Variants in LNX1 observed in about 807,000 individuals in gnomAD.
LNX1 encodes E3 ubiquitin-protein ligase LNX.
LNX1 carries 54 observed loss-of-function variants against 68.4 expected under a neutral mutation model. That is an observed-to-expected ratio of 0.79 (90% CI 0.63 to 0.99). LNX1 has a LOEUF of 0.99. Among genes scored for constraint, LNX1 ranks in the 50% least tolerant of loss-of-function variants. The probability of loss-of-function intolerance (pLI) is 0.00; values close to 1 mark genes in which losing one functional copy is unlikely to be tolerated. For synonymous variants in LNX1, 336 were observed against 350.0 expected, an observed-to-expected ratio of 0.96 and a Z score of 0.45; for missense variants, 906 against 926.4, an observed-to-expected ratio of 0.98 and a Z score of 0.29.
chr4:53,475,900 G>C (rs1723530039), intron 9 of LNX1, among the ~76,000 whole-genome samples: 1 of 152,168 alleles, frequency 6.6e-6, no homozygotes, highest in Non-Finnish European at 1.5e-5. Flanking sequence ...CAGGCCCTAA[G>C]GAGAGATGAT....
chr4:53,502,993 C>T (rs374355140), intron 4 of LNX1, among the ~76,000 whole-genome samples: 8 of 151,134 alleles, frequency 5.3e-5, no homozygotes, highest in African/African-American at 1.7e-4. Context: ...TGCAGTGGTG[C>T]GATCTCGGCT....
chr4:53,529,022 A>G (rs1727830059), intron 2 of LNX1, among the ~76,000 whole-genome samples: 1 of 151,526 alleles, frequency 6.6e-6, no homozygotes, highest in Non-Finnish European at 1.5e-5. Context: ...TCCAAGATAC[A>G]GGGGTGTCTG....
intron 1 of LNX1, among the ~76,000 whole-genome samples, chr4:53,590,965 A>T (rs1312153706): frequency 6.6e-6 from 1 of 152,202 alleles, no homozygotes; most frequent in Non-Finnish European, 1.5e-5. Context: ...ATCAAAATAC[A>T]GGGAGGAAGA....
intron 4 of LNX1, among the ~76,000 whole-genome samples, chr4:53,502,453 A>T (rs529046056): frequency 6.6e-6 from 1 of 152,250 alleles, no homozygotes; most frequent in Non-Finnish European, 1.5e-5. Context: ...ATTTAAAAAT[A>T]CTTTATTGCT....
At chr4:53,638,101 A>ACATTATACAATATAGG (rs1163962570) in intron 1 of LNX1, among the ~76,000 whole-genome samples, 4 of 152,344 alleles carry the variant, frequency 2.6e-5, no homozygotes, top group Admixed American at 6.5e-5. Context: ...TCATCATGAT[A>ACATTATACAATATAGG]TACTGCATTA....
chr4:53,649,958 A>G (rs545273975), intron 1 of LNX1, among the ~76,000 whole-genome samples: 27 of 152,334 alleles, frequency 1.8e-4, no homozygotes, highest in African/African-American at 6.3e-4. Context: ...GAACCTAGAC[A>G]AGGACTTGAC....
intron 2 of LNX1, among the ~76,000 whole-genome samples, chr4:53,518,413 G>A (rs955487128): frequency 3.3e-5 from 5 of 152,166 alleles, no homozygotes; most frequent in African/African-American, 7.2e-5. Context: ...CTTTAATGCC[G>A]ATGTTTTTCC....
intron 2 of LNX1, among the ~76,000 whole-genome samples, chr4:53,553,613 T>C (rs1478196378): frequency 2.6e-5 from 4 of 152,148 alleles, no homozygotes; most frequent in African/African-American, 9.7e-5. Flanking sequence ...CCAGATTCCC[T>C]TTGGGGTCTA....
intron 2 of LNX1, among the ~76,000 whole-genome samples, chr4:53,571,782 C>G (rs2109774678): frequency 6.6e-6 from 1 of 152,176 alleles, no homozygotes; most frequent in East Asian, 1.9e-4. Context: ...CACCTTAGCC[C>G]CCTGAATCAC....
chr4:53,567,418 GC>G (rs1284911155), intron 2 of LNX1, among the ~76,000 whole-genome samples: 3 of 151,514 alleles, frequency 2.0e-5, no homozygotes, highest in Admixed American at 1.3e-4. Flanking sequence ...CGAAATGAAG[GC>G]AGAAATAAAG....
In LNX1 at chr4:53,461,562, G is replaced by A. The variant is rs138092169; in HGVS notation, c.1924C>T (p.Arg642Ter). 1.2e-5 allele frequency: 20 copies of A among 1,611,574 alleles called. No individual in the cohort carries two copies. Among genetic ancestry groups the A allele is most frequent in the Non-Finnish European group, 1.4e-5 (17 of 1,178,310 alleles). Residue 642 changes from arginine to a stop codon, truncating the protein, a stop_gained, in exon 10 of 11, where the codon CGA (arginine) becomes TGA (stop). Transcript: ENST00000263925. LOFTEE classifies it high-confidence loss of function. ...CLYNCKDIVL[R>*]RNTAGSLGFC... The stretch of plus-strand genomic sequence containing the variant: ...CCCAGACTTCCAGCTGTGTTTCTTC[G>A]TAATACAATATCTTTACAGTTATAC...
intron 2 of LNX1, among the ~76,000 whole-genome samples, chr4:53,540,598 C>T (rs2109656993): frequency 6.6e-6 from 1 of 152,058 alleles, no homozygotes; most frequent in Middle Eastern, 3.4e-3. Context: ...AGAAGAATTG[C>T]TTGAACCCAG....
chr4:53,559,161 G>T (rs576051446), intron 2 of LNX1, among the ~76,000 whole-genome samples: 1 of 152,340 alleles, frequency 6.6e-6, no homozygotes, highest in South Asian at 2.1e-4. Flanking sequence ...TCTACAGGAT[G>T]AGACGAGTTG....
intron 2 of LNX1, among the ~76,000 whole-genome samples, chr4:53,534,084 A>T (rs566181260): frequency 6.6e-6 from 1 of 152,206 alleles, no homozygotes; most frequent in African/African-American, 2.4e-5. Context: ...CTTGTGGAAG[A>T]CTTTCATAAT....
chr4:53,575,806 G>A lies in LNX1; in HGVS notation c.-86-1718C>T, dbSNP rs1006103210. 19 of 1,583,920 alleles carry A rather than the reference G, an allele frequency of 1.2e-5. No homozygotes were observed. The African/African-American group carries it at 2.4e-4, about 20-fold the overall frequency. The stretch of plus-strand genomic sequence containing the variant: ...TTTCTTGGGGGCCCAGCTTCCTCCA[G>A]AGGTGGCAGCAATGGACCAGCTACT... On this transcript the variant is annotated intron_variant, in intron 1 of 10. Transcript: ENST00000263925.
In LNX1 at chr4:53,507,356, G is replaced by T. The variant is rs1218203058; in HGVS notation, c.736C>A (p.Gln246Lys). ...SGSAVANHAD[Q>K]GRENSENTTA... The stretch of plus-strand genomic sequence containing the variant: ...GTGTTTTCAGAATTTTCCCTGCCCT[G>T]GTCGGCATGGTTGGCAACTGCACTC... Residue 246 changes from glutamine (Q) to lysine (K), a missense_variant, in exon 4 of 11, where the codon CAG becomes AAG. Gln to Lys is a moderately conservative substitution (Grantham distance 53). Coordinates refer to ENST00000263925, the MANE Select transcript of LNX1 (RefSeq NM_001126328.3). The T allele has an allele frequency of 1.9e-6, 3 of 1,613,966 alleles. No homozygotes were observed. Among genetic ancestry groups the T allele is most frequent in the Non-Finnish European group, 2.5e-6 (3 of 1,180,022 alleles).
intron 1 of LNX1, among the ~76,000 whole-genome samples, chr4:53,624,531 A>C (rs1192193061): frequency 2.0e-5 from 3 of 152,150 alleles, no homozygotes; most frequent in African/African-American, 7.2e-5. Flanking sequence ...TAAATTACCC[A>C]GTCTCAGGTG....
At chr4:53,640,661 T>C (rs1253090200) in intron 1 of LNX1, among the ~76,000 whole-genome samples, 1 of 152,204 alleles carries the variant, frequency 6.6e-6, no homozygotes, top group Non-Finnish European at 1.5e-5. Context: ...TTTAGGGGAA[T>C]TGTTGTCAAC....
At chr4:53,570,404 T>G (rs1009936550) in intron 2 of LNX1, among the ~76,000 whole-genome samples, 2 of 147,124 alleles carry the variant, frequency 1.4e-5, no homozygotes, top group African/African-American at 5.0e-5. Context: ...CTCAGTAAAC[T>G]ATCACAAGAA....
Sources: allele counts gnomAD v4.1 joint callset (sites outside exome capture counted in the v4.1 genomes callset), GRCh38; gene constraint gnomAD v4.1.1; transcripts MANE v1.5; gene names NCBI Gene and HGNC (gene_info 2026-07-23, HGNC 2026-07-21).